The following PPP6R3 variants were observed in gnomAD, a reference collection of about 807,000 sequenced individuals.
PPP6R3 encodes serine/threonine-protein phosphatase 6 regulatory subunit 3.
In PPP6R3, 38 loss-of-function variants were observed where a neutral mutation model predicts 110.7. That is an observed-to-expected ratio of 0.34 (90% confidence interval 0.26 to 0.45). PPP6R3 has a LOEUF of 0.45. PPP6R3 is among the 20% of genes least tolerant of loss of function. The probability of loss-of-function intolerance (pLI) is 1.00; values close to 1 mark genes in which losing one functional copy is unlikely to be tolerated. For synonymous variants in PPP6R3, 369 were observed against 373.5 expected, an observed-to-expected ratio of 0.99 and a Z score of 0.14; for missense variants, 870 against 1,062.4, an observed-to-expected ratio of 0.82 and a Z score of 2.52.
intron 2 of PPP6R3, among the ~76,000 whole-genome samples, chr11:68,527,891 G>A (rs1011976744): frequency 1.3e-5 from 2 of 152,134 alleles, no homozygotes; most frequent in African/African-American, 2.4e-5. Flanking sequence ...CTGCTTTCAG[G>A]GAGGCGTCGC....
At chr11:68,475,207 T>C (rs1591625303) in intron 1 of PPP6R3, among the ~76,000 whole-genome samples, 2 of 152,212 alleles carry the variant, frequency 1.3e-5, no homozygotes, top group East Asian at 3.8e-4. Flanking sequence ...ACACAGCACA[T>C]GTTTCAGAGA....
intron 17 of PPP6R3, among the ~76,000 whole-genome samples, chr11:68,591,122 G>A (rs2099594032): frequency 6.6e-6 from 1 of 151,936 alleles, no homozygotes; most frequent in East Asian, 1.9e-4. Context: ...ACAGTTTATT[G>A]ATTTTATGTT....
intron 1 of PPP6R3, among the ~76,000 whole-genome samples, chr11:68,513,170 G>T (rs1287327141): frequency 2.0e-5 from 3 of 152,034 alleles, no homozygotes; most frequent in Non-Finnish European, 4.4e-5. Flanking sequence ...GGCATCCCGG[G>T]GGTCTTCAGC....
chr11:68,607,315 G>T (rs186199207), intron 22 of PPP6R3, among the ~76,000 whole-genome samples: 148 of 152,352 alleles, frequency 9.7e-4, no homozygotes, highest in African/African-American at 3.4e-3. Context: ...ACAGGTACAG[G>T]TGTCAGTGTG....
chr11:68,600,624 A>G, intron 20 of PPP6R3, 130 bp downstream of exon 20: 1 of 969,782 alleles, frequency 1.0e-6, no homozygotes, highest in Non-Finnish European at 1.5e-6. Context: ...AAAAGATTAA[A>G]CATCAGCATA....
chr11:68,497,795 C>T (rs1174379894), intron 1 of PPP6R3, among the ~76,000 whole-genome samples: 2 of 152,010 alleles, frequency 1.3e-5, no homozygotes, highest in South Asian at 2.1e-4. Context: ...TCTTTTATCT[C>T]GTGTTTTTGG....
intron 2 of PPP6R3, among the ~76,000 whole-genome samples, chr11:68,520,229 C>T (rs1327738882): frequency 6.6e-6 from 1 of 152,098 alleles, no homozygotes; most frequent in Non-Finnish European, 1.5e-5. Context: ...TTCACTTGTC[C>T]CCATTGTATC....
At chr11:68,463,361 A>G (rs796089647) in intron 1 of PPP6R3, among the ~76,000 whole-genome samples, 6 of 145,348 alleles carry the variant, frequency 4.1e-5, no homozygotes, top group African/African-American at 5.5e-5. Context: ...CTCAGAAAAA[A>G]AAAAAAAAAA....
intron 22 of PPP6R3, among the ~76,000 whole-genome samples, chr11:68,607,173 T>C (rs983967918): frequency 6.6e-6 from 1 of 152,194 alleles, no homozygotes; most frequent in Non-Finnish European, 1.5e-5. Context: ...CTCTAAAATT[T>C]ATATGGAAAA....
At chr11:68,465,418 T>G (rs2098738869) in intron 1 of PPP6R3, among the ~76,000 whole-genome samples, 1 of 151,976 alleles carries the variant, frequency 6.6e-6, no homozygotes, top group African/African-American at 2.4e-5. Flanking sequence ...GGTAGATCTT[T>G]TTTGCTCATA....
At chr11:68,470,944 G>C (rs918743023) in intron 1 of PPP6R3, among the ~76,000 whole-genome samples, 1 of 152,068 alleles carries the variant, frequency 6.6e-6, no homozygotes, top group African/African-American at 2.4e-5. Flanking sequence ...ATGCTGGATT[G>C]GGGTGTTCAC....
chr11:68,477,728 T>TAAAA lies in PPP6R3; in HGVS notation c.-158+16912_-158+16915dup, dbSNP rs1181714569. Among the ~76,000 whole-genome samples, 237 of 77,372 alleles carry TAAAA rather than the reference T, an allele frequency of 3.1e-3. 3 individuals are homozygous for TAAAA. The highest frequency in any genetic ancestry group is 0.011 in the African/African-American group (187 of 17,108). The allele number at this position is 77,372 out of a possible 152,430, so 50.8% of individuals were successfully genotyped here. ...AGAGACAGAGAGAGACATTGTCTCT[T>TAAAA]AAAAAAAAAAAAAATATATATATAT... On this transcript the variant is annotated intron_variant, in intron 1 of 23. Coordinates refer to ENST00000393800, the MANE Select transcript of PPP6R3 (RefSeq NM_001164161.2).
At chr11:68,543,870 G>A (rs189883736) in intron 3 of PPP6R3, among the ~76,000 whole-genome samples, 1 of 152,320 alleles carries the variant, frequency 6.6e-6, no homozygotes, top group African/African-American at 2.4e-5. Flanking sequence ...GGAGGAAATG[G>A]ACCTGCTGCC....
chr11:68,464,410 T>A (rs2098731267), intron 1 of PPP6R3, among the ~76,000 whole-genome samples: 2 of 152,162 alleles, frequency 1.3e-5, no homozygotes, highest in African/African-American at 4.8e-5. Context: ...ATTACAGGTG[T>A]GAGCTACCAT....
At chr11:68,552,327 A>G (rs543567863) in intron 6 of PPP6R3, among the ~76,000 whole-genome samples, 1 of 152,330 alleles carries the variant, frequency 6.6e-6, no homozygotes, top group Non-Finnish European at 1.5e-5. Context: ...GAGACATGCA[A>G]TGGAGGCTCC....
chr11:68,576,568 G>C lies in PPP6R3; in HGVS notation c.1545+525G>C, dbSNP rs1292341349. 2.0e-5 allele frequency among the ~76,000 whole-genome samples: 3 copies of C among 152,146 alleles called. No homozygotes were observed. In the East Asian group the frequency reaches 5.8e-4, roughly 29 times the overall value. On this transcript the variant is annotated intron_variant, in intron 14 of 23. Coordinates refer to ENST00000393800, the MANE Select transcript of PPP6R3 (RefSeq NM_001164161.2). ...CTTTGAGCCAGGGAATAATGGCATTGATAATTTTTTTAAAAATTATATTGG... is the reference window on the plus strand; with the variant it reads ...CTTTGAGCCAGGGAATAATGGCATTCATAATTTTTTTAAAAATTATATTGG...
chr11:68,517,122 T>A (rs1212956349), intron 1 of PPP6R3, among the ~76,000 whole-genome samples: 2 of 151,708 alleles, frequency 1.3e-5, no homozygotes, highest in African/African-American at 2.4e-5. Context: ...TTTTTTTTTT[T>A]AGAACCCCTG....
chr11:68,579,973 A>G lies in PPP6R3; in HGVS notation c.1546-3070A>G, dbSNP rs2099547147. ...CACAATGTATCCTTGTCATGAAACAATGCATGACTGCGCGTGTTTCAGATG... is the reference window on the plus strand; with the variant it reads ...CACAATGTATCCTTGTCATGAAACAGTGCATGACTGCGCGTGTTTCAGATG... On this transcript the variant is annotated intron_variant, in intron 14 of 23. Transcript: ENST00000393800. Among the ~76,000 whole-genome samples the G allele has an allele frequency of 2.6e-5, 4 of 152,314 alleles. No individual in the cohort carries two copies. The South Asian group carries it at 6.2e-4, about 24-fold the overall frequency.
At chr11:68,515,818 A>T (rs2099133869) in intron 1 of PPP6R3, among the ~76,000 whole-genome samples, 1 of 152,210 alleles carries the variant, frequency 6.6e-6, no homozygotes, top group Non-Finnish European at 1.5e-5. Flanking sequence ...AGTGGAAGAG[A>T]GGGAGGACAG....
Sources: allele counts gnomAD v4.1 joint callset (sites outside exome capture counted in the v4.1 genomes callset), GRCh38; gene constraint gnomAD v4.1.1; transcripts MANE v1.5; gene names NCBI Gene and HGNC (gene_info 2026-07-23, HGNC 2026-07-21).